The following GNG12 variants were observed in gnomAD, a reference collection of about 807,000 sequenced individuals.
GNG12 encodes the protein guanine nucleotide-binding protein G(I)/G(S)/G(O) subunit gamma-12.
For missense variants in GNG12, 69 were observed against 83.8 expected, an observed-to-expected ratio of 0.82 and a Z score of 0.69; for synonymous variants, 28 against 29.7, an observed-to-expected ratio of 0.94 and a Z score of 0.19.
chr1:67,739,285 C>T (rs186489889), intron 2 of GNG12, among the ~76,000 whole-genome samples: 25 of 152,342 alleles, frequency 1.6e-4, no homozygotes, highest in Non-Finnish European at 3.4e-4. Context: ...CTGTGGCATT[C>T]GCCATCTCTA....
Position 67,833,325 on chromosome 1 carries a change from C to G in GNG12, c.-77+19G>C. 1.0e-6 allele frequency: 1 copy of G among 954,774 alleles called. No homozygotes were observed. Among genetic ancestry groups the G allele is most frequent in the Non-Finnish European group, 1.2e-6 (1 of 801,588 alleles). The allele number at this position is 954,774 out of a possible 1,614,324, so 59.1% of individuals were successfully genotyped here. A position where few individuals can be genotyped will look rare whatever the true frequency, so the allele number is the denominator to read the frequency against. ...GCGGGGACCCGACTCACCACCCGCG[C>G]CCGCCGCTTGGTACTCACCCGCCTG... On this transcript the variant is annotated intron_variant, in intron 1 of 3. Transcript: ENST00000370982.
intron 2 of GNG12, among the ~76,000 whole-genome samples, chr1:67,770,047 G>T (rs1401503734): frequency 6.6e-6 from 1 of 152,192 alleles, no homozygotes; most frequent in Non-Finnish European, 1.5e-5. Flanking sequence ...GAAGGGAAGT[G>T]TCTCACACTG....
In GNG12 at chr1:67,767,727, C is replaced by T. The variant is rs1406679198; in HGVS notation, c.-27+9731G>A. Among the ~76,000 whole-genome samples, 4 of 152,114 alleles carry T rather than the reference C, an allele frequency of 2.6e-5. No homozygotes were observed. In the East Asian group the frequency reaches 7.7e-4, roughly 29 times the overall value. On this transcript the variant is annotated intron_variant, in intron 2 of 3. Coordinates refer to ENST00000370982, the MANE Select transcript of GNG12 (RefSeq NM_018841.6). ...CTTATCTGATGGCAATATCACTTACCTAAATCTTAACAATAAAATGAGGCA... is the reference window on the plus strand; with the variant it reads ...CTTATCTGATGGCAATATCACTTACTTAAATCTTAACAATAAAATGAGGCA...
intron 2 of GNG12, among the ~76,000 whole-genome samples, chr1:67,764,150 A>T (rs2100743729): frequency 6.6e-6 from 1 of 152,316 alleles, no homozygotes; most frequent in Admixed American, 6.5e-5. Flanking sequence ...TAAAGAAATA[A>T]ACAAGAAAAT....
At chr1:67,789,103 G>C (rs2100780601) in intron 1 of GNG12, among the ~76,000 whole-genome samples, 1 of 152,322 alleles carries the variant, frequency 6.6e-6, no homozygotes, top group Middle Eastern at 3.4e-3. Context: ...TTCCTTACAA[G>C]GGTGGTAATG....
At chr1:67,792,135 C>G (rs914827616) in intron 1 of GNG12, among the ~76,000 whole-genome samples, 4 of 152,240 alleles carry the variant, frequency 2.6e-5, no homozygotes, top group South Asian at 2.1e-4. Context: ...CTTCTTGGTA[C>G]GTACCCCTTC....
intron 1 of GNG12, among the ~76,000 whole-genome samples, chr1:67,824,351 AAC>A (rs1171901037): frequency 3.3e-5 from 5 of 152,112 alleles, no homozygotes; most frequent in South Asian, 4.2e-4. Flanking sequence ...TTCTACAAAA[AAC>A]ACAAAAGTTT....
intron 1 of GNG12, among the ~76,000 whole-genome samples, chr1:67,822,492 G>C (rs561838560): frequency 6.6e-6 from 1 of 152,200 alleles, no homozygotes; most frequent in Admixed American, 6.5e-5. Flanking sequence ...CAGTGAGGTA[G>C]GTTAATATAA....
At position 67,833,189 on chromosome 1, in the gene GNG12, C is replaced by T. The variant is rs1266598972; in HGVS notation, c.-77+155G>A. Among the ~76,000 whole-genome samples the T allele has an allele frequency of 5.3e-5, 8 of 151,996 alleles. 1 individual carries two copies. Among genetic ancestry groups the T allele is most frequent in the Non-Finnish European group, 8.8e-5 (6 of 67,924 alleles). Reference sequence around the variant, plus strand: ...CCCGCCCTCCAGCAGGACACTCTTCCCTCCTTCCTTCCTTCCTCCGCTCCC... The same window carrying T: ...CCCGCCCTCCAGCAGGACACTCTTCTCTCCTTCCTTCCTTCCTCCGCTCCC... On this transcript the variant is annotated intron_variant, in intron 1 of 3. Coordinates refer to ENST00000370982, the MANE Select transcript of GNG12 (RefSeq NM_018841.6).
At chr1:67,787,072 T>C (rs1307944821) in intron 1 of GNG12, among the ~76,000 whole-genome samples, 4 of 143,084 alleles carry the variant, frequency 2.8e-5, no homozygotes, top group Non-Finnish European at 4.7e-5. Flanking sequence ...TGTGTGTGTA[T>C]AGTCCCCCTC....
At chr1:67,713,193 A>G (rs1001080966) in intron 2 of GNG12, among the ~76,000 whole-genome samples, 5 of 152,204 alleles carry the variant, frequency 3.3e-5, no homozygotes, top group African/African-American at 1.2e-4. Context: ...GCAGATCTTG[A>G]GCCACCAAGT....
At chr1:67,771,608 A>G (rs1305400586) in intron 2 of GNG12, among the ~76,000 whole-genome samples, 1 of 152,162 alleles carries the variant, frequency 6.6e-6, no homozygotes, top group Non-Finnish European at 1.5e-5. Context: ...GCATGATCTT[A>G]TGGGTCCTGT....
intron 1 of GNG12, among the ~76,000 whole-genome samples, chr1:67,796,586 T>C (rs1276305): frequency 0.73 from 111,046 of 151,944 alleles, 40,736 homozygotes; most frequent in Middle Eastern, 0.8. Context: ...TCAATAAATA[T>C]GTATTTACTA....
rs557540272 is a variant in GNG12 at position 67,806,526 on chromosome 1, T to TAGGGCAGAGGGGATGGTCCTGGAGG, written c.-77+26817_-77+26818insCCTCCAGGACCATCCCCTCTGCCCT. On this transcript the variant is annotated intron_variant, in intron 1 of 3. Coordinates refer to ENST00000370982, the MANE Select transcript of GNG12 (RefSeq NM_018841.6). Reference sequence around the variant, plus strand: ...TAAGTATGTACAGATTTTGGTTACATGCAGGGCAGAGGGGATGGTCCTGGA... The same window carrying TAGGGCAGAGGGGATGGTCCTGGAGG: ...TAAGTATGTACAGATTTTGGTTACATAGGGCAGAGGGGATGGTCCTGGAGGGCAGGGCAGAGGGGATGGTCCTGGA... Among the ~76,000 whole-genome samples the TAGGGCAGAGGGGATGGTCCTGGAGG allele has an allele frequency of 4.8e-3, 725 of 151,932 alleles. 2 individuals are homozygous for TAGGGCAGAGGGGATGGTCCTGGAGG. Among genetic ancestry groups the TAGGGCAGAGGGGATGGTCCTGGAGG allele is most frequent in the Non-Finnish European group, 7.7e-3 (522 of 67,964 alleles).
chr1:67,705,473 T>C lies in GNG12; in HGVS notation c.197A>G (p.Lys66Arg), dbSNP rs781564846. The C allele has an allele frequency of 6.2e-7, 1 of 1,614,088 alleles. No individual in the cohort carries two copies. Among genetic ancestry groups the C allele is most frequent in the Admixed American group, 1.7e-5 (1 of 60,000 alleles). ...CCACTATAAGATGATGCAAGTTTTT[T>C]TATCCTTGAAAGGGTTTTCTGAAGT... is the stretch of plus-strand genomic sequence containing the variant. ...IPTSENPFKD[K>R]KTCIIL The change falls in exon 4 of 4, where the codon AAA becomes AGA. Residue 66 changes from lysine (K) to arginine (R), a missense_variant. Transcript: ENST00000370982.
chr1:67,706,335 T>A (rs1031431328), intron 3 of GNG12, among the ~76,000 whole-genome samples: 1 of 152,198 alleles, frequency 6.6e-6, no homozygotes, highest in Non-Finnish European at 1.5e-5. Context: ...GAGCCAAAAC[T>A]CTGGAGCCAA....
intron 1 of GNG12, among the ~76,000 whole-genome samples, chr1:67,796,186 T>G (rs1040428311): frequency 2.0e-5 from 3 of 152,216 alleles, no homozygotes; most frequent in African/African-American, 7.2e-5. Flanking sequence ...TATCTATTTA[T>G]TTGGATTCAT....
intron 2 of GNG12, among the ~76,000 whole-genome samples, chr1:67,761,399 G>C (rs1646603669): frequency 6.6e-6 from 1 of 152,186 alleles, no homozygotes; most frequent in Non-Finnish European, 1.5e-5. Context: ...CTCAGCTGTA[G>C]CATCCTGAAT....
At chr1:67,764,837 G>A (rs549180837) in intron 2 of GNG12, among the ~76,000 whole-genome samples, 7 of 152,268 alleles carry the variant, frequency 4.6e-5, no homozygotes, top group Non-Finnish European at 1.0e-4. Context: ...AGCTCCCCAG[G>A]GCTCACTATC....
Sources: gnomAD v4.1 joint callset for allele counts (sites outside exome capture counted in the v4.1 genomes callset) on GRCh38, gnomAD v4.1.1 for gene constraint, MANE v1.5 for transcripts, NCBI Gene and HGNC (gene_info 2026-07-23, HGNC 2026-07-21) for gene names.